CXorf38: variants seen among roughly 807,000 people sequenced by gnomAD.
CXorf38 encodes chromosome X open reading frame 38, also known as uncharacterized protein CXorf38.
Under a neutral mutation model 27.5 loss-of-function variants are expected in CXorf38, and 13 were observed. The observed-to-expected ratio is 0.47, with a 90% CI of 0.31 to 0.75. The LOEUF (loss-of-function observed/expected upper bound fraction) is 0.75, where lower values mean the gene tolerates loss of function less well. Among genes scored for constraint, CXorf38 ranks in the 30% least tolerant of loss-of-function variants. The pLI, the probability that CXorf38 is intolerant of heterozygous loss-of-function variation, is 0.05. For missense variants in CXorf38, 240 were observed against 253.2 expected (o/e 0.95, Z 0.35); for synonymous variants, 100 against 99.8 (o/e 1.00, Z -0.01).
At chrX:40,633,201 C>A (rs1896078382) in intron 5 of CXorf38, among the ~76,000 whole-genome samples, 1 of 110,754 alleles carries the variant, frequency 9.0e-6, no homozygotes, top group African/African-American at 3.3e-5. Context: ...CCGTAGTACC[C>A]TCACCACTTT....
At chrX:40,631,225 GTATA>G (rs58687784) in intron 5 of CXorf38, among the ~76,000 whole-genome samples, 9 of 100,697 alleles carry the variant, frequency 8.9e-5, no homozygotes, top group Non-Finnish European at 1.2e-4. Context: ...ATATACATGT[GTATA>G]TATATGTGTG....
In CXorf38 at chrX:40,647,355, G is replaced by T. The variant is rs1337285278; in HGVS notation, c.166C>A (p.Pro56Thr). ...GAGCCGCCGCGGCAGACGGCGCGGGGCCCCAGGCCGGGGGCTGCGGCGAGT... is the reference window on the plus strand; with the variant it reads ...GAGCCGCCGCGGCAGACGGCGCGGGTCCCCAGGCCGGGGGCTGCGGCGAGT... ...GLLAAAPGLG[P>T]RAVCRGGSRC... Residue 56 changes from proline to threonine, a missense_variant, in exon 1 of 7, where the codon CCC becomes ACC. Physicochemically the swap from Pro to Thr is conservative, Grantham distance 38. Coordinates refer to ENST00000327877, the MANE Select transcript of CXorf38 (RefSeq NM_144970.3). The T allele has an allele frequency of 8.7e-7, 1 of 1,143,601 alleles. No homozygotes were observed. Among genetic ancestry groups the T allele is most frequent in the Admixed American group, 2.7e-5 (1 of 36,392 alleles). 94.2% of individuals were successfully genotyped at this position (1,143,601 alleles called of 1,213,427 possible).
At chrX:40,643,502 TTTTC>T (rs1384502774) in intron 2 of CXorf38, among the ~76,000 whole-genome samples, 2 of 110,931 alleles carry the variant, frequency 1.8e-5, no homozygotes, top group Admixed American at 1.9e-4. Flanking sequence ...ATTTCTTTTC[TTTTC>T]TTTCTTTTCT....
intron 2 of CXorf38, chrX:40,640,126 T>A (rs1259530366): frequency 3.5e-6 from 1 of 283,576 alleles, no homozygotes; most frequent in East Asian, 1.1e-4. Context: ...AGGAGGATCG[T>A]TTGAGCCCAG....
intron 2 of CXorf38, among the ~76,000 whole-genome samples, chrX:40,642,107 G>A (rs1303748769): frequency 1.8e-5 from 2 of 111,238 alleles, no homozygotes; most frequent in Non-Finnish European, 3.8e-5. Context: ...GAGGGTGAGA[G>A]TTGTGATGTG....
chrX:40,630,648 T>C lies in CXorf38; in HGVS notation c.927A>G (p.Glu309=). 8.3e-7 allele frequency: 1 copy of C among 1,210,538 alleles called. No homozygotes were observed. The highest frequency in any genetic ancestry group is 1.7e-5 in the African/African-American group (1 of 57,776). Reference sequence around the variant, plus strand: ...TCCTGTCAGGTGTTTGTCTCCCAGGTTCCTGTGAATCCAGTTTTTGATGTA... The same window carrying C: ...TCCTGTCAGGTGTTTGTCTCCCAGGCTCCTGTGAATCCAGTTTTTGATGTA... ...LCLHQKLDSQ[E]PGRQTPDRKA The change falls in exon 6 of 7, where the codon GAA becomes GAG. Residue 309 remains glutamate (E), a synonymous_variant. Transcript: ENST00000327877.
intron 2 of CXorf38, chrX:40,640,411 C>T (rs1928268938): frequency 4.7e-6 from 1 of 214,201 alleles, no homozygotes; most frequent in African/African-American, 3.0e-5. Flanking sequence ...TATCAATAGG[C>T]AAGCAACTAC....
chrX:40,628,035 T>C lies in CXorf38; in HGVS notation c.*2129A>G, dbSNP rs1265894896. 8.9e-6 allele frequency: 1 copy of C among 112,367 alleles called. No individual in the cohort carries two copies. The highest frequency in any genetic ancestry group is 9.4e-5 in the Admixed American group (1 of 10,617). 9.3% of individuals were successfully genotyped at this position (112,367 alleles called of 1,213,427 possible). ...TCCATTTGATCCCAAGTTTTGTACC[T>C]CACATCTAGAAGCTCTGAAATATTT... On this transcript the variant is annotated 3_prime_UTR_variant, in exon 7 of 7. Coordinates refer to ENST00000327877, the MANE Select transcript of CXorf38 (RefSeq NM_144970.3).
chrX:40,636,791 TA>T, intron 4 of CXorf38, 79 bp from the exon 5 acceptor site: 1 of 936,355 alleles, frequency 1.1e-6, no homozygotes, highest in Admixed American at 3.2e-5. Context: ...AATTTATAAT[TA>T]AACACAATGA....
In CXorf38 at chrX:40,628,237, G is replaced by A. The variant is rs923054516; in HGVS notation, c.*1927C>T. On this transcript the variant is annotated 3_prime_UTR_variant, in exon 7 of 7. Coordinates refer to ENST00000327877, the MANE Select transcript of CXorf38 (RefSeq NM_144970.3). The stretch of plus-strand genomic sequence containing the variant: ...TACAGGCACATTTGCACTCATCTGG[G>A]CTTTACAAAGTGATATTAAGTGCAT... 2 of 112,147 alleles carry A rather than the reference G, an allele frequency of 1.8e-5. No individual in the cohort carries two copies. The highest frequency in any genetic ancestry group is 6.5e-5 in the African/African-American group (2 of 30,830). 9.2% of individuals were successfully genotyped at this position (112,147 alleles called of 1,213,427 possible).
At position 40,638,994 on chromosome X, in the gene CXorf38, T is replaced by A. The variant is rs1312022843; in HGVS notation, c.471+15A>T. 1.7e-6 allele frequency: 2 copies of A among 1,209,147 alleles called. No individual in the cohort carries two copies. The highest frequency in any genetic ancestry group is 4.4e-5 in the Admixed American group (2 of 45,817). On this transcript the variant is annotated intron_variant, in intron 3 of 6. Coordinates refer to ENST00000327877, the MANE Select transcript of CXorf38 (RefSeq NM_144970.3). ...AACTGACTCAGGGTATGCTTTTGAA[T>A]CTGACAGCTCTTACCTCTGTGACTT...
In CXorf38 at chrX:40,647,308, G is replaced by A. The variant is rs1181951189; in HGVS notation, c.213C>T (p.Arg71=). Residue 71 remains arginine, a synonymous_variant, in exon 1 of 7, where the codon CGC becomes CGT. Transcript: ENST00000327877. ...RGGSRCSPRA[R]QFQPQCQVCA... ...AGGCCCCGAGCCAGGTGCTCACCTG[G>A]CGGGCGCGAGGGCTGCACCGTGAGC... is the stretch of plus-strand genomic sequence containing the variant. 1 of 1,089,710 alleles carries A rather than the reference G, an allele frequency of 9.2e-7. No individual in the cohort carries two copies. Among genetic ancestry groups the A allele is most frequent in the East Asian group, 3.5e-5 (1 of 28,562 alleles). 89.8% of individuals were successfully genotyped at this position (1,089,710 alleles called of 1,213,427 possible). A position where few individuals can be genotyped will look rare whatever the true frequency, so the allele number is the denominator to read the frequency against.
chrX:40,644,412 T>C (rs1928484306), intron 2 of CXorf38, among the ~76,000 whole-genome samples: 1 of 111,703 alleles, frequency 9.0e-6, no homozygotes, highest in African/African-American at 3.3e-5. Flanking sequence ...TTAGTTGGTG[T>C]TGGCAAAAAG....
chrX:40,636,772 T>C, intron 4 of CXorf38, 60 bp from the exon 5 acceptor site: 1 of 1,003,099 alleles, frequency 1.0e-6, no homozygotes, highest in Non-Finnish European at 1.4e-6. Flanking sequence ...TCCACTGAAT[T>C]ACTCAAATAA....
chrX:40,632,162 C>T (rs994974681), intron 5 of CXorf38, among the ~76,000 whole-genome samples: 6 of 111,855 alleles, frequency 5.4e-5, no homozygotes, highest in Non-Finnish European at 1.1e-4. Context: ...CAGGGTCTTC[C>T]TGAGGCTCTA....
chrX:40,641,519 C>T (rs1030166022), intron 2 of CXorf38, among the ~76,000 whole-genome samples: 4 of 111,487 alleles, frequency 3.6e-5, no homozygotes, highest in Admixed American at 9.5e-5. Flanking sequence ...TCCCAAGTAC[C>T]TGTGAGGATT....
Position 40,647,483 on chromosome X carries a change from G to A in CXorf38, c.38C>T (p.Ala13Val), listed in dbSNP as rs375122945. Reference protein sequence around the residue: ...LSELAARLNCAEYKNWVKAGH... With the variant: ...LSELAARLNCVEYKNWVKAGH... ...CGCCTTCACCCAGTTCTTGTACTCG[G>A]CGCAGTTGAGGCGCGCCGCTAGCTC... The change falls in exon 1 of 7, where the codon GCC (alanine) becomes GTC (valine). Residue 13 changes from alanine (A) to valine (V), a missense_variant. Ala to Val is a moderately conservative substitution (Grantham distance 64). Transcript: ENST00000327877. The A allele has an allele frequency of 7.6e-6, 9 of 1,187,961 alleles. No homozygotes were observed. Among genetic ancestry groups the A allele is most frequent in the Non-Finnish European group, 1.0e-5 (9 of 887,075 alleles).
intron 2 of CXorf38, among the ~76,000 whole-genome samples, chrX:40,643,262 T>C (rs1442729280): frequency 2.7e-5 from 3 of 111,434 alleles, no homozygotes; most frequent in Non-Finnish European, 5.7e-5. Context: ...TTTATTCAAG[T>C]GTTTTTAAAA....
intron 5 of CXorf38, among the ~76,000 whole-genome samples, chrX:40,632,063 T>C (rs1927839128): frequency 8.9e-6 from 1 of 111,872 alleles, no homozygotes; most frequent in Non-Finnish European, 1.9e-5. Flanking sequence ...GAAGATCACA[T>C]GGATGACACT....
Sources: allele counts gnomAD v4.1 joint callset (sites outside exome capture counted in the v4.1 genomes callset), GRCh38; gene constraint gnomAD v4.1.1; transcripts MANE v1.5; gene names NCBI Gene and HGNC (gene_info 2026-07-23, HGNC 2026-07-21).